The following LPIN2 variants were observed in gnomAD, a reference collection of about 807,000 sequenced individuals.
The protein encoded by LPIN2 is lipin 2, also known as phosphatidate phosphatase LPIN2.
In LPIN2, 55 loss-of-function variants were observed where a neutral mutation model predicts 111.4. That is an observed-to-expected ratio of 0.49 (90% confidence interval 0.40 to 0.62). LPIN2 has a LOEUF of 0.62. LPIN2 is among the 20% of genes least tolerant of loss of function. The probability of loss-of-function intolerance (pLI) is 0.00; values close to 1 mark genes in which losing one functional copy is unlikely to be tolerated. For synonymous variants in LPIN2, 425 were observed against 414.0 expected, an observed-to-expected ratio of 1.03 and a Z score of -0.32; for missense variants, 992 against 1,112.1, an observed-to-expected ratio of 0.89 and a Z score of 1.54.
At chr18:2,973,212 T>C (rs1219869200) in intron 1 of LPIN2, among the ~76,000 whole-genome samples, 1 of 152,146 alleles carries the variant, frequency 6.6e-6, no homozygotes, top group African/African-American at 2.4e-5. Flanking sequence ...AAAAAAAGCA[T>C]ACACTTTACA....
chr18:2,968,721 A>C (rs372592737), intron 1 of LPIN2, among the ~76,000 whole-genome samples: 1 of 152,168 alleles, frequency 6.6e-6, no homozygotes, highest in African/African-American at 2.4e-5. Flanking sequence ...CTTATGGGAA[A>C]GTGTGCTAAG....
intron 17 of LPIN2, 117 bp downstream of exon 17, chr18:2,921,930 G>T: frequency 7.3e-7 from 1 of 1,361,364 alleles, no homozygotes; most frequent in Non-Finnish European, 9.9e-7. Flanking sequence ...CCAAAGAACT[G>T]GGAGAGGCGT....
At chr18:2,942,457 G>A (rs1207542941) in intron 4 of LPIN2, among the ~76,000 whole-genome samples, 1 of 152,174 alleles carries the variant, frequency 6.6e-6, no homozygotes, top group Non-Finnish European at 1.5e-5. Flanking sequence ...CAATGTAAAA[G>A]TCACACAAAT....
chr18:2,951,015 A>G (rs374610583), intron 4 of LPIN2, 40 bp downstream of exon 4: 27 of 1,610,820 alleles, frequency 1.7e-5, no homozygotes, highest in Non-Finnish European at 2.2e-5. Flanking sequence ...CATGAACTCT[A>G]GGTACCCGCA....
intron 12 of LPIN2, among the ~76,000 whole-genome samples, chr18:2,927,204 A>G (rs368035656): frequency 2.0e-5 from 3 of 152,314 alleles, no homozygotes; most frequent in East Asian, 1.9e-4. Flanking sequence ...CCCTTCTGAC[A>G]TTTGAAAAAC....
At chr18:2,993,355 C>G (rs1317352341) in intron 1 of LPIN2, among the ~76,000 whole-genome samples, 1 of 152,162 alleles carries the variant, frequency 6.6e-6, no homozygotes, top group Non-Finnish European at 1.5e-5. Flanking sequence ...CTATAAATAT[C>G]ATCTTCTATT....
chr18:2,922,091 G>T lies in LPIN2; in HGVS notation c.2283C>A (p.Gly761=), dbSNP rs775011212. ...AGCTGCTGGGGGACAGCATCAGGGG[G>T]CCCCGGGGCAAGATTGTGCCCTTGT... ...VNDKGTILPR[G]PLMLSPSSLF... Residue 761 remains glycine (G), a synonymous_variant, in exon 17 of 20, where the codon GGC becomes GGA. Transcript: ENST00000677752. The T allele has an allele frequency of 1.9e-6, 3 of 1,613,836 alleles. No homozygotes were observed. The highest frequency in any genetic ancestry group is 1.3e-5 in the African/African-American group (1 of 74,940).
chr18:2,935,165 C>T (rs990621452), intron 7 of LPIN2, among the ~76,000 whole-genome samples: 3 of 152,198 alleles, frequency 2.0e-5, no homozygotes, highest in African/African-American at 7.2e-5. Flanking sequence ...GTAAAACACA[C>T]TAAGATACTT....
At chr18:2,921,492 A>G in intron 18 of LPIN2, 41 bp downstream of exon 18, 3 of 1,467,038 alleles carry the variant, frequency 2.0e-6, no homozygotes, top group African/African-American at 2.8e-5. Flanking sequence ...ATCCCTCTGA[A>G]TTTCACCCAC....
intron 1 of LPIN2, among the ~76,000 whole-genome samples, chr18:2,970,294 C>A (rs1156274187): frequency 6.6e-6 from 1 of 152,224 alleles, no homozygotes; most frequent in Non-Finnish European, 1.5e-5. Context: ...GGGTGGGCCC[C>A]CAGTAGCCAT....
At chr18:2,979,822 C>A (rs1449991830) in intron 1 of LPIN2, among the ~76,000 whole-genome samples, 2 of 152,204 alleles carry the variant, frequency 1.3e-5, no homozygotes, top group Non-Finnish European at 1.5e-5. Flanking sequence ...CCCAAACTGC[C>A]TAACCAGTAA....
Position 2,918,078 on chromosome 18 carries a change from G to C in LPIN2, c.*2215C>G, listed in dbSNP as rs1468575846. 6.6e-6 allele frequency: 1 copy of C among 150,540 alleles called. No individual in the cohort carries two copies. Among genetic ancestry groups the C allele is most frequent in the Non-Finnish European group, 1.5e-5 (1 of 67,926 alleles). 9.3% of individuals were successfully genotyped at this position (150,540 alleles called of 1,614,324 possible). A position where few individuals can be genotyped will look rare whatever the true frequency, so the allele number is the denominator to read the frequency against. Reference sequence around the variant, plus strand: ...GTAATCATCTACTTTCAGCAAGAGGGACTCCTTTAAACAAGGAAAAAGACT... The same window carrying C: ...GTAATCATCTACTTTCAGCAAGAGGCACTCCTTTAAACAAGGAAAAAGACT... On this transcript the variant is annotated 3_prime_UTR_variant, in exon 20 of 20. Transcript: ENST00000677752.
At chr18:2,926,836 C>G in intron 12 of LPIN2, 31 bp from the exon 13 acceptor site, 1 of 1,577,960 alleles carries the variant, frequency 6.3e-7, no homozygotes, top group Non-Finnish European at 8.7e-7. Context: ...TGGCAACATG[C>G]AATTTTTTCC....
chr18:2,920,035 T>C lies in LPIN2; in HGVS notation c.*258A>G. The C allele has an allele frequency of 1.1e-5, 6 of 568,150 alleles. No individual in the cohort carries two copies. Among genetic ancestry groups the C allele is most frequent in the Non-Finnish European group, 1.9e-5 (6 of 316,816 alleles). 35.2% of individuals were successfully genotyped at this position (568,150 alleles called of 1,614,324 possible). On this transcript the variant is annotated 3_prime_UTR_variant, in exon 20 of 20. Coordinates refer to ENST00000677752, the MANE Select transcript of LPIN2 (RefSeq NM_001375808.2). The stretch of plus-strand genomic sequence containing the variant: ...AGGCCCCAGCTCACAGCAGGAAACA[T>C]GTGTGCGACCCACAAAGGAGGGATC...
rs148438558 is a variant in LPIN2, at chr18:2,984,152, C to T, written c.-9-23303G>A. ...TGATGCTTAATACAGTAACATATCA[C>T]CAAGGTTCATATAATAAAAACATTA... On this transcript the variant is annotated intron_variant, in intron 1 of 19. Transcript: ENST00000677752. Among the ~76,000 whole-genome samples, 33 of 152,260 alleles carry T rather than the reference C, an allele frequency of 2.2e-4. No individual in the cohort carries two copies. The East Asian group carries it at 5.8e-3, about 27-fold the overall frequency.
At chr18:2,977,852 T>C (rs1397851092) in intron 1 of LPIN2, among the ~76,000 whole-genome samples, 1 of 152,166 alleles carries the variant, frequency 6.6e-6, no homozygotes, top group Non-Finnish European at 1.5e-5. Flanking sequence ...CACAGTATTA[T>C]TTATGGAAGG....
Position 2,937,833 on chromosome 18 carries a change from C to G in LPIN2, c.1027G>C (p.Ala343Pro). Residue 343 changes from alanine to proline, a missense_variant, in exon 7 of 20, where the codon GCA becomes CCA. Ala to Pro is a conservative substitution (Grantham distance 27). This residue lies in a region of LPIN2 where 709 missense variants were observed against 753.2 expected (regional missense o/e 0.94). Transcript: ENST00000677752. ...TCAAGAGGAGGTTCGAGAAGCTCTG[C>G]CACAGATGTTGGGTCGCTCATCTGT... is the stretch of plus-strand genomic sequence containing the variant. Reference protein sequence around the residue: ...GTQMSDPTSVAELLEPPLEST... With the variant: ...GTQMSDPTSVPELLEPPLEST... The G allele has an allele frequency of 1.2e-6, 2 of 1,614,096 alleles. No homozygotes were observed. The highest frequency in any genetic ancestry group is 1.7e-6 in the Non-Finnish European group (2 of 1,180,016).
At chr18:2,980,159 C>T (rs776172832) in intron 1 of LPIN2, among the ~76,000 whole-genome samples, 6 of 152,100 alleles carry the variant, frequency 3.9e-5, no homozygotes, top group South Asian at 2.1e-4. Flanking sequence ...AAAATTTTAG[C>T]GAAACTTGGC....
chr18:3,001,672 C>A (rs2078437608), intron 1 of LPIN2, among the ~76,000 whole-genome samples: 1 of 151,974 alleles, frequency 6.6e-6, no homozygotes, highest in African/African-American at 2.4e-5. Flanking sequence ...ATCCCACAAG[C>A]ACAGAAAAGA....
Sources: gnomAD v4.1 joint callset for allele counts (sites outside exome capture counted in the v4.1 genomes callset) on GRCh38, gnomAD v4.1.1 for gene constraint, gnomAD v4.1.1 regional missense constraint, MANE v1.5 for transcripts, NCBI Gene and HGNC (gene_info 2026-07-23, HGNC 2026-07-21) for gene names.